The following ADARB2 variants were observed in gnomAD, a reference collection of about 807,000 sequenced individuals.
ADARB2 encodes the protein adenosine deaminase RNA specific B2 (inactive).
ADARB2 carries 25 observed loss-of-function variants against 62.2 expected under a neutral mutation model. That is an observed-to-expected ratio of 0.40 (90% CI 0.29 to 0.56). ADARB2 has a LOEUF of 0.56. Among genes scored for constraint, ADARB2 ranks in the 20% least tolerant of loss-of-function variants. ADARB2 has a pLI of 0.43. For synonymous variants in ADARB2, 572 were observed against 500.8 expected, an observed-to-expected ratio of 1.14 and a Z score of -1.90; for missense variants, 1,071 against 1,077.4, an observed-to-expected ratio of 0.99 and a Z score of 0.08.
intron 1 of ADARB2, among the ~76,000 whole-genome samples, chr10:1,671,887 C>T (rs1294604877): frequency 6.6e-6 from 1 of 151,950 alleles, no homozygotes; most frequent in East Asian, 1.9e-4. Flanking sequence ...CTCACTTGCA[C>T]TGGGGGGGAG....
intron 3 of ADARB2, among the ~76,000 whole-genome samples, chr10:1,296,455 C>T (rs139885696): frequency 4.1e-4 from 62 of 152,302 alleles, no homozygotes; most frequent in African/African-American, 1.3e-3. Flanking sequence ...GATTCCATAA[C>T]GTATTCTATG....
chr10:1,422,078 C>T lies in ADARB2; in HGVS notation c.101-42918G>A, dbSNP rs376153528. On this transcript the variant is annotated intron_variant, in intron 1 of 9. Transcript: ENST00000381312. Reference sequence around the variant, plus strand: ...AAAAGGCCCAACAATGGGCAACATCCCCCATCAAAGCCATGGACATATCCC... The same window carrying T: ...AAAAGGCCCAACAATGGGCAACATCTCCCATCAAAGCCATGGACATATCCC... Among the ~76,000 whole-genome samples the T allele has an allele frequency of 4.7e-4, 71 of 152,346 alleles. 1 individual carries two copies. In the South Asian group the frequency reaches 0.014, roughly 31 times the overall value.
intron 1 of ADARB2, among the ~76,000 whole-genome samples, chr10:1,559,981 C>A (rs748063098): frequency 6.6e-6 from 1 of 152,190 alleles, no homozygotes; most frequent in Non-Finnish European, 1.5e-5. Context: ...TGAGGAATCC[C>A]ACTGCGTGGA....
intron 1 of ADARB2, among the ~76,000 whole-genome samples, chr10:1,409,563 G>A (rs1031691362): frequency 2.7e-5 from 4 of 150,848 alleles, no homozygotes; most frequent in South Asian, 2.1e-4. Context: ...AGGCCTGGCC[G>A]TGGTCATAGG....
intron 1 of ADARB2, among the ~76,000 whole-genome samples, chr10:1,526,388 A>C (rs1305293299): frequency 6.6e-6 from 1 of 151,826 alleles, no homozygotes; most frequent in Non-Finnish European, 1.5e-5. Context: ...TGTCCCCTCC[A>C]GATCTCATGT....
At chr10:1,290,916 T>C (rs991450030) in intron 3 of ADARB2, 2 of 152,208 alleles carry the variant, frequency 1.3e-5, no homozygotes, top group Non-Finnish European at 2.9e-5. Context: ...CAGGAAGATA[T>C]TTTGAGCCCG....
In ADARB2 at chr10:1,617,407, A is replaced by G. The variant is rs557651751; in HGVS notation, c.100+119644T>C. On this transcript the variant is annotated intron_variant, in intron 1 of 9. Transcript: ENST00000381312. The stretch of plus-strand genomic sequence containing the variant: ...GTGTGCCCGTCCAGACACACTCCGC[A>G]CCACCCTGCTGAGCTCTGCCTCATG... 2.4e-5 allele frequency among the ~76,000 whole-genome samples: 2 copies of G among 82,838 alleles called. 1 individual carries two copies. The highest frequency in any genetic ancestry group is 1.1e-3 in the South Asian group (2 of 1,812). 54.3% of individuals were successfully genotyped at this position (82,838 alleles called of 152,430 possible).
chr10:1,678,162 G>A, intron 1 of ADARB2: 1 of 985,368 alleles, frequency 1.0e-6, no homozygotes, highest in African/African-American at 1.7e-5. Flanking sequence ...TGAGGGGTCG[G>A]TCACCCAGCA....
At chr10:1,567,891 G>T (rs1314183297) in intron 1 of ADARB2, among the ~76,000 whole-genome samples, 1 of 152,182 alleles carries the variant, frequency 6.6e-6, no homozygotes, top group Non-Finnish European at 1.5e-5. Context: ...CCCGGGATCT[G>T]ATCCTGACTC....
In ADARB2 at chr10:1,426,445, C is replaced by G. The variant is rs995260408; in HGVS notation, c.101-47285G>C. ...AAAACCGAAGCCCTCTTCTGCGTGG[C>G]GATTTGGAGAACACAGTCAGCATGC... On this transcript the variant is annotated intron_variant, in intron 1 of 9. Coordinates refer to ENST00000381312, the MANE Select transcript of ADARB2 (RefSeq NM_018702.4). The surrounding 1 kb of genome is among the most constrained non-coding windows in gnomAD (Gnocchi z 4.1). 6.6e-6 allele frequency among the ~76,000 whole-genome samples: 1 copy of G among 152,076 alleles called. No homozygotes were observed. Among genetic ancestry groups the G allele is most frequent in the Non-Finnish European group, 1.5e-5 (1 of 68,016 alleles).
At chr10:1,593,207 C>T (rs867569096) in intron 1 of ADARB2, among the ~76,000 whole-genome samples, 6 of 126,250 alleles carry the variant, frequency 4.8e-5, no homozygotes, top group African/African-American at 2.2e-4. Flanking sequence ...GCTCCCTTCG[C>T]CCAAGCCACC....
chr10:1,188,828 G>A (rs987027098), intron 8 of ADARB2, among the ~76,000 whole-genome samples: 1 of 152,194 alleles, frequency 6.6e-6, no homozygotes, highest in African/African-American at 2.4e-5. Context: ...TAGGTTTGCC[G>A]TTAATGACTC....
At chr10:1,545,178 CAG>C (rs1260253235) in intron 1 of ADARB2, among the ~76,000 whole-genome samples, 2 of 152,162 alleles carry the variant, frequency 1.3e-5, no homozygotes, top group African/African-American at 4.8e-5. Context: ...GTGTGTAGCA[CAG>C]TGCAGCCATG....
intron 1 of ADARB2, chr10:1,675,543 G>T: frequency 1.1e-6 from 1 of 940,802 alleles, no homozygotes; most frequent in Non-Finnish European, 1.3e-6. Flanking sequence ...GTTTGGGTTT[G>T]GGGGTACATG....
chr10:1,506,918 G>A (rs1170293047), intron 1 of ADARB2, among the ~76,000 whole-genome samples: 1 of 152,254 alleles, frequency 6.6e-6, no homozygotes, highest in Non-Finnish European at 1.5e-5. Context: ...GTGTGAGGAC[G>A]CAGTGAGCAG....
chr10:1,373,781 A>G (rs12768188), intron 2 of ADARB2, among the ~76,000 whole-genome samples: 2,475 of 87,718 alleles, frequency 0.028, 172 homozygotes, highest in Middle Eastern at 0.06. Flanking sequence ...TAATGAGACC[A>G]CGTGGACTCC....
intron 6 of ADARB2, among the ~76,000 whole-genome samples, chr10:1,218,338 A>G (rs1830650103): frequency 6.6e-6 from 1 of 152,220 alleles, no homozygotes; most frequent in Non-Finnish European, 1.5e-5. Context: ...GGCCTGAGCC[A>G]CTGCACCCAG....
At chr10:1,635,219 A>G (rs1440808492) in intron 1 of ADARB2, among the ~76,000 whole-genome samples, 2 of 152,196 alleles carry the variant, frequency 1.3e-5, no homozygotes, top group African/African-American at 2.4e-5. Context: ...CTTGAGAATG[A>G]TCACCTTCCT....
intron 1 of ADARB2, among the ~76,000 whole-genome samples, chr10:1,592,220 C>G (rs556200154): frequency 6.6e-6 from 1 of 152,328 alleles, no homozygotes; most frequent in Non-Finnish European, 1.5e-5. Flanking sequence ...CCCAGCTCCT[C>G]CTCCGTGCCA....
Sources: gnomAD v4.1 joint callset for allele counts (sites outside exome capture counted in the v4.1 genomes callset) on GRCh38, gnomAD v4.1.1 for gene constraint, Gnocchi (gnomAD v3.1) non-coding constraint, MANE v1.5 for transcripts, NCBI Gene and HGNC (gene_info 2026-07-23, HGNC 2026-07-21) for gene names.